Variants in TSPEAR observed in about 807,000 individuals in gnomAD.
TSPEAR encodes the protein thrombospondin-type laminin G domain and EAR repeat-containing protein.
In TSPEAR, 69 loss-of-function variants were observed where a neutral mutation model predicts 71.6. That is an observed-to-expected ratio of 0.96 (90% confidence interval 0.79 to 1.18). The LOEUF (loss-of-function observed/expected upper bound fraction) is 1.18, where lower values mean the gene tolerates loss of function less well. Among genes scored for constraint, TSPEAR ranks in the 50% most tolerant of loss-of-function variants. The pLI is 0.00. For synonymous variants in TSPEAR, 402 were observed against 387.2 expected (o/e 1.04, Z -0.45); for missense variants, 971 against 894.9 (o/e 1.09, Z -1.09).
intron 1 of TSPEAR, among the ~76,000 whole-genome samples, chr21:44,607,921 C>T (rs1555930134): frequency 6.6e-6 from 1 of 152,176 alleles, no homozygotes; most frequent in African/African-American, 2.4e-5. Context: ...TTTAAAGATG[C>T]TTTTGCCACA....
In TSPEAR at chr21:44,623,866, G is replaced by A. The variant is rs768094129; in HGVS notation, c.83-55861C>T. 1.3e-5 allele frequency among the ~76,000 whole-genome samples: 2 copies of A among 151,894 alleles called. No homozygotes were observed. The highest frequency in any genetic ancestry group is 6.6e-5 in the Admixed American group (1 of 15,262). Reference sequence around the variant, plus strand: ...AATTTTTCTCTGTCTTTGGATTTCAGCCCCAATATGCACAGGCATGGTTTC... The same window carrying A: ...AATTTTTCTCTGTCTTTGGATTTCAACCCCAATATGCACAGGCATGGTTTC... On this transcript the variant is annotated intron_variant, in intron 1 of 11. Coordinates refer to ENST00000323084, the MANE Select transcript of TSPEAR (RefSeq NM_144991.3). The surrounding 1 kb of genome is among the most constrained non-coding windows in gnomAD (Gnocchi z 4.5).
rs1555925017 is a variant in TSPEAR, at chr21:44,580,650, AGG to A, written c.83-12647_83-12646del. The A allele has an allele frequency of 9.4e-6, 14 of 1,485,694 alleles. No homozygotes were observed. The African/African-American group carries it at 1.5e-4, about 16-fold the overall frequency. The allele number at this position is 1,485,694 out of a possible 1,614,324, so 92.0% of individuals were successfully genotyped here. ...GAGTGAGTGTGTGAGTGAGTGAAGGAGGGAGTGAGTGAGTGAGGTGCTCAGGG... is the reference window on the plus strand; with the variant it reads ...GAGTGAGTGTGTGAGTGAGTGAAGGAGAGTGAGTGAGTGAGGTGCTCAGGG... On this transcript the variant is annotated intron_variant, in intron 1 of 11. Transcript: ENST00000323084.
chr21:44,580,711 T>A (rs1978914987), intron 1 of TSPEAR: 1 of 975,370 alleles, frequency 1.0e-6, no homozygotes, highest in Non-Finnish European at 1.5e-6. Flanking sequence ...CTGGCGTGTG[T>A]TGTCCCGACA....
At chr21:44,652,481 A>C (rs1195815919) in intron 1 of TSPEAR, among the ~76,000 whole-genome samples, 5 of 152,040 alleles carry the variant, frequency 3.3e-5, no homozygotes, top group African/African-American at 9.7e-5. Flanking sequence ...CTGACCTCCC[A>C]CTTGGTTGAG....
rs1312386174 is a variant in TSPEAR at position 44,687,975 on chromosome 21, T to C, written c.82+23458A>G. ...GGGGTGAGTATCCGATCAAGCACAGTGAGTGACGTGCCAGGTGCAGATCCA... is the reference window on the plus strand; with the variant it reads ...GGGGTGAGTATCCGATCAAGCACAGCGAGTGACGTGCCAGGTGCAGATCCA... On this transcript the variant is annotated intron_variant, in intron 1 of 11. Coordinates refer to ENST00000323084, the MANE Select transcript of TSPEAR (RefSeq NM_144991.3). This position sits in a 1 kb window ranked among gnomAD's most constrained non-coding sequence, Gnocchi z 4.4. Among the ~76,000 whole-genome samples the C allele has an allele frequency of 6.6e-6, 1 of 152,122 alleles. No homozygotes were observed. The highest frequency in any genetic ancestry group is 2.4e-5 in the African/African-American group (1 of 41,416).
At chr21:44,666,628 G>GCA (rs2146274652) in intron 1 of TSPEAR, 1 of 1,613,324 alleles carries the variant, frequency 6.2e-7, no homozygotes. Flanking sequence ...CAGCTCACAG[G>GCA]CACACACACA....
chr21:44,637,581 C>T lies in TSPEAR; in HGVS notation c.83-69576G>A, dbSNP rs376512849. Reference sequence around the variant, plus strand: ...TGTGTGTCCAGCCCCTGCTGCCAGACGGCCTGTGAGCCCAGCGCCTGCCAA... The same window carrying T: ...TGTGTGTCCAGCCCCTGCTGCCAGATGGCCTGTGAGCCCAGCGCCTGCCAA... On this transcript the variant is annotated intron_variant, in intron 1 of 11. Transcript: ENST00000323084. 187 of 1,613,862 alleles carry T rather than the reference C, an allele frequency of 1.2e-4. No individual in the cohort carries two copies. The highest frequency in any genetic ancestry group is 5.1e-4 in the Middle Eastern group (3 of 5,872).
intron 1 of TSPEAR, among the ~76,000 whole-genome samples, chr21:44,684,590 G>A (rs1215980420): frequency 7.9e-5 from 12 of 152,336 alleles, no homozygotes; most frequent in South Asian, 4.1e-4. Flanking sequence ...CAAAAGCTGG[G>A]AGAAATCCTC....
At chr21:44,552,643 G>T (rs960443908) in intron 2 of TSPEAR, among the ~76,000 whole-genome samples, 2 of 152,174 alleles carry the variant, frequency 1.3e-5, no homozygotes, top group Non-Finnish European at 2.9e-5. Flanking sequence ...TCTGTTATTC[G>T]CAGGTGACAC....
chr21:44,696,646 C>G (rs1226415650), intron 1 of TSPEAR, among the ~76,000 whole-genome samples: 3 of 152,192 alleles, frequency 2.0e-5, no homozygotes, highest in Admixed American at 6.5e-5. Flanking sequence ...GAATATAAAA[C>G]AAGAAGAAAA....
intron 2 of TSPEAR, among the ~76,000 whole-genome samples, chr21:44,540,489 A>G (rs1420655936): frequency 1.3e-5 from 2 of 152,112 alleles, no homozygotes; most frequent in African/African-American, 4.8e-5. Context: ...TCCGGGTTGT[A>G]AGAAGGGGGC....
chr21:44,554,143 G>GGA (rs1330424007), intron 2 of TSPEAR, among the ~76,000 whole-genome samples: 1 of 152,194 alleles, frequency 6.6e-6, no homozygotes, highest in African/African-American at 2.4e-5. Flanking sequence ...GGGGCCTTTG[G>GGA]GAGGTAATTA....
At chr21:44,658,727 G>A (rs984982479) in intron 1 of TSPEAR, among the ~76,000 whole-genome samples, 8 of 152,060 alleles carry the variant, frequency 5.3e-5, no homozygotes, top group Non-Finnish European at 1.0e-4. Context: ...TGCACTGTGG[G>A]GTAATAAGAT....
chr21:44,540,348 G>A (rs1555917094), intron 2 of TSPEAR, among the ~76,000 whole-genome samples: 1 of 152,158 alleles, frequency 6.6e-6, no homozygotes. Flanking sequence ...GTCATGACTA[G>A]GGATGTTTGT....
chr21:44,617,735 C>A (rs782734283), intron 1 of TSPEAR, among the ~76,000 whole-genome samples: 1 of 152,228 alleles, frequency 6.6e-6, no homozygotes, highest in African/African-American at 2.4e-5. Context: ...CAGCAAGCTG[C>A]GCAGTGTTCC....
intron 1 of TSPEAR, among the ~76,000 whole-genome samples, chr21:44,655,390 C>T (rs2838614): frequency 0.77 from 116,960 of 151,984 alleles, 45,496 homozygotes; most frequent in African/African-American, 0.89. Context: ...AGAAGATGGA[C>T]GAAAACATCA....
Position 44,677,902 on chromosome 21 carries a change from T to G in TSPEAR, c.82+33531A>C, listed in dbSNP as rs1423293034. The G allele has an allele frequency of 2.9e-6, 4 of 1,400,234 alleles. No homozygotes were observed. The African/African-American group carries it at 5.7e-5, about 20-fold the overall frequency. 86.7% of individuals were successfully genotyped at this position (1,400,234 alleles called of 1,614,324 possible). A position where few individuals can be genotyped will look rare whatever the true frequency, so the allele number is the denominator to read the frequency against. ...TGGGAAGCCCATTTGGCATATAGGA[T>G]AGTGCCACCAATACCTCCACCAAAA... On this transcript the variant is annotated intron_variant, in intron 1 of 11. Transcript: ENST00000323084.
At chr21:44,537,421 T>C (rs1412894629) in intron 2 of TSPEAR, among the ~76,000 whole-genome samples, 3 of 152,168 alleles carry the variant, frequency 2.0e-5, no homozygotes, top group Admixed American at 6.5e-5. Flanking sequence ...TGAAGCTGAA[T>C]AACATGGATA....
chr21:44,579,659 G>T (rs1454783829), intron 1 of TSPEAR: 27 of 1,459,154 alleles, frequency 1.9e-5, no homozygotes, highest in Non-Finnish European at 2.5e-5. Flanking sequence ...TCAGCACATG[G>T]GGGCCCCGTC....
Sources: allele counts gnomAD v4.1 joint callset (sites outside exome capture counted in the v4.1 genomes callset), GRCh38; gene constraint gnomAD v4.1.1; non-coding constraint Gnocchi (gnomAD v3.1); transcripts MANE v1.5; gene names NCBI Gene and HGNC (gene_info 2026-07-23, HGNC 2026-07-21).